Variants in CUX2 observed in about 807,000 individuals in gnomAD.
The protein encoded by CUX2 is homeobox protein cut-like 2.
CUX2 carries 40 observed loss-of-function variants against 144.8 expected under a neutral mutation model. That is an observed-to-expected ratio of 0.28 (90% confidence interval 0.21 to 0.36). The LOEUF (loss-of-function observed/expected upper bound fraction) is 0.36, where lower values mean the gene tolerates loss of function less well. Among genes scored for constraint, CUX2 ranks in the 10% least tolerant of loss-of-function variants. The pLI, the probability that CUX2 is intolerant of heterozygous loss-of-function variation, is 1.00. For synonymous variants in CUX2, 827 were observed against 875.6 expected (o/e 0.94, Z 0.98); for missense variants, 1,615 against 1,994.0 (o/e 0.81, Z 3.62).
chr12:111,339,341 A>C (rs73412341), intron 20 of CUX2, among the ~76,000 whole-genome samples: 6,387 of 152,142 alleles, frequency 0.042, 256 homozygotes, highest in South Asian at 0.2. Context: ...TCTATTTCCC[A>C]AAACTCTGTG....
chr12:111,300,338 C>T (rs1337449662), intron 9 of CUX2, among the ~76,000 whole-genome samples: 1 of 152,170 alleles, frequency 6.6e-6, no homozygotes, highest in Non-Finnish European at 1.5e-5. Flanking sequence ...CCAGGCTGAT[C>T]TCAAACTCTT....
chr12:111,045,249 G>T (rs536969424), intron 1 of CUX2, among the ~76,000 whole-genome samples: 1 of 150,952 alleles, frequency 6.6e-6, no homozygotes, highest in Non-Finnish European at 1.5e-5. Context: ...GTTTATAATC[G>T]GGGGGAGACC....
chr12:111,310,153 C>T lies in CUX2; in HGVS notation c.1371C>T (p.Pro457=), dbSNP rs750256644. 2 of 1,544,784 alleles carry T rather than the reference C, an allele frequency of 1.3e-6. No homozygotes were observed. Among genetic ancestry groups the T allele is most frequent in the South Asian group, 2.5e-5 (2 of 80,914 alleles). ...PPPGPEDPLS[P]SPGQPLLGPS... The stretch of plus-strand genomic sequence containing the variant: ...CAGGGCCAGAAGACCCCCTGTCTCC[C>T]AGCCCCGGGCAGCCCCTGCTGGGCC... The change falls in exon 15 of 22, where the codon CCC becomes CCT. Residue 457 remains proline, a synonymous_variant. Coordinates refer to ENST00000261726, the MANE Select transcript of CUX2 (RefSeq NM_015267.4). The surrounding 1 kb of genome is among the most constrained non-coding windows in gnomAD (Gnocchi z 7.9).
chr12:111,347,516 T>C lies in CUX2; in HGVS notation c.3660-8T>C. On this transcript the variant is annotated splice_region_variant and splice_polypyrimidine_tract_variant and intron_variant, in intron 21 of 21. Transcript: ENST00000261726. ...CCAGCCCCAGGCTCACCGCCGTCTC[T>C]GCCCCAGGTCCCGGATGCGCCGGGA... 6.3e-7 allele frequency: 1 copy of C among 1,579,226 alleles called. No individual in the cohort carries two copies.
chr12:111,196,776 G>A (rs1178293629), intron 1 of CUX2, among the ~76,000 whole-genome samples: 4 of 152,132 alleles, frequency 2.6e-5, no homozygotes, highest in Non-Finnish European at 5.9e-5. Flanking sequence ...TTAAATTAAC[G>A]TAGAAGTACT....
intron 1 of CUX2, among the ~76,000 whole-genome samples, chr12:111,085,976 A>C (rs1199417689): frequency 6.6e-6 from 1 of 152,242 alleles, no homozygotes; most frequent in Non-Finnish European, 1.5e-5. Flanking sequence ...GTGTGAGATC[A>C]GGGATCAGGA....
At chr12:111,085,598 A>G (rs1484552346) in intron 1 of CUX2, among the ~76,000 whole-genome samples, 1 of 152,234 alleles carries the variant, frequency 6.6e-6, no homozygotes, top group African/African-American at 2.4e-5. Flanking sequence ...AACTTTGTGC[A>G]TGCTGTACCT....
rs576415047 is a variant in CUX2 at position 111,185,714 on chromosome 12, A to G, written c.64-28486A>G. Reference sequence around the variant, plus strand: ...GCCCATTAGCCTGGGTAGGCTCAGTAATGGAGCCCTCCCAAGAGGCCCAGC... The same window carrying G: ...GCCCATTAGCCTGGGTAGGCTCAGTGATGGAGCCCTCCCAAGAGGCCCAGC... On this transcript the variant is annotated intron_variant, in intron 1 of 21. Transcript: ENST00000261726. Among the ~76,000 whole-genome samples the G allele has an allele frequency of 3.8e-4, 58 of 152,238 alleles. No homozygotes were observed. The South Asian group carries it at 0.011, about 29-fold the overall frequency.
intron 3 of CUX2, among the ~76,000 whole-genome samples, chr12:111,248,933 C>T (rs940399682): frequency 3.3e-5 from 5 of 152,296 alleles, no homozygotes; most frequent in East Asian, 3.9e-4. Context: ...CAGTAAAATG[C>T]GCAAATCTTA....
At chr12:111,089,241 C>T (rs567738550) in intron 1 of CUX2, among the ~76,000 whole-genome samples, 5 of 152,220 alleles carry the variant, frequency 3.3e-5, no homozygotes, top group Non-Finnish European at 7.3e-5. Context: ...GAGGCCAAGT[C>T]CAGCAGCGCT....
At chr12:111,235,142 G>A (rs1882674886) in intron 3 of CUX2, among the ~76,000 whole-genome samples, 1 of 152,178 alleles carries the variant, frequency 6.6e-6, no homozygotes, top group Non-Finnish European at 1.5e-5. Flanking sequence ...CTAGCACAAA[G>A]AAAGCTTAAA....
rs528126352 is a variant in CUX2, at chr12:111,035,610, C to T, written c.63+1370C>T. On this transcript the variant is annotated intron_variant, in intron 1 of 21. Transcript: ENST00000261726. This position sits in a 1 kb window ranked among gnomAD's most constrained non-coding sequence, Gnocchi z 6.0. ...CATCAGTCTGGAGATAAAAAGGGAC[C>T]CACTTTTTTTTTTTTTTTTAATCCG... Among the ~76,000 whole-genome samples the T allele has an allele frequency of 2.5e-5, 2 of 81,592 alleles. No homozygotes were observed. Among genetic ancestry groups the T allele is most frequent in the Non-Finnish European group, 4.4e-5 (2 of 45,280 alleles). 53.5% of individuals were successfully genotyped at this position (81,592 alleles called of 152,430 possible).
intron 20 of CUX2, among the ~76,000 whole-genome samples, chr12:111,339,265 AC>A (rs1565932210): frequency 6.6e-6 from 1 of 151,622 alleles, no homozygotes; most frequent in African/African-American, 2.4e-5. Context: ...GAAACCTAAC[AC>A]CCCATCTCTT....
chr12:111,240,492 C>A (rs1215276719), intron 3 of CUX2, among the ~76,000 whole-genome samples: 1 of 152,232 alleles, frequency 6.6e-6, no homozygotes, highest in African/African-American at 2.4e-5. Flanking sequence ...AATACAAACT[C>A]CCGAGTTAAT....
At position 111,320,731 on chromosome 12, in the gene CUX2, A is replaced by G; in HGVS notation, c.2722A>G (p.Lys908Glu). 6.3e-7 allele frequency: 1 copy of G among 1,583,438 alleles called. No individual in the cohort carries two copies. Among genetic ancestry groups the G allele is most frequent in the South Asian group, 1.1e-5 (1 of 89,668 alleles). ...GGAGCTCACCCGCCAGGTCAAGGAG[A>G]AGCTGGCCAAGAACGGCATCTGCCA... ...TLELTRQVKEKLAKNGICQRI... is the reference protein window; with the variant it reads ...TLELTRQVKEELAKNGICQRI... The change falls in exon 17 of 22, where the codon AAG (lysine) becomes GAG (glutamate). Residue 908 changes from lysine to glutamate, a missense_variant. Coordinates refer to ENST00000261726, the MANE Select transcript of CUX2 (RefSeq NM_015267.4). This position sits in a 1 kb window ranked among gnomAD's most constrained non-coding sequence, Gnocchi z 8.1.
In CUX2 at chr12:111,034,930, G is replaced by C. The variant is rs1000272641; in HGVS notation, c.63+690G>C. Among the ~76,000 whole-genome samples, 9 of 151,846 alleles carry C rather than the reference G, an allele frequency of 5.9e-5. No homozygotes were observed. The highest frequency in any genetic ancestry group is 2.2e-4 in the African/African-American group (9 of 41,516). ...AAGCGCCGGCAGACCTCTTCTCCTC[G>C]GGCCGGGGTCTTGGGGTTCGTCTTG... On this transcript the variant is annotated intron_variant, in intron 1 of 21. Coordinates refer to ENST00000261726, the MANE Select transcript of CUX2 (RefSeq NM_015267.4). This position sits in a 1 kb window ranked among gnomAD's most constrained non-coding sequence, Gnocchi z 4.2.
intron 1 of CUX2, among the ~76,000 whole-genome samples, chr12:111,172,495 T>C (rs1314317002): frequency 1.3e-5 from 2 of 152,210 alleles, no homozygotes. Context: ...TCGTGGCTGC[T>C]TGTGGTGCTG....
At chr12:111,168,866 C>T (rs186995149) in intron 1 of CUX2, among the ~76,000 whole-genome samples, 36 of 152,222 alleles carry the variant, frequency 2.4e-4, no homozygotes, top group Non-Finnish European at 4.1e-4. Flanking sequence ...GTGGAATGCT[C>T]AGCCGGGTGG....
At chr12:111,052,293 G>T (rs1870308507) in intron 1 of CUX2, among the ~76,000 whole-genome samples, 1 of 152,162 alleles carries the variant, frequency 6.6e-6, no homozygotes, top group Non-Finnish European at 1.5e-5. Context: ...CATAGCAGGT[G>T]TCAGACATAG....
Sources: allele counts gnomAD v4.1 joint callset (sites outside exome capture counted in the v4.1 genomes callset), GRCh38; gene constraint gnomAD v4.1.1; non-coding constraint Gnocchi (gnomAD v3.1); transcripts MANE v1.5; gene names NCBI Gene and HGNC (gene_info 2026-07-23, HGNC 2026-07-21).